The following DPP6 variants were observed in gnomAD, a reference collection of about 807,000 sequenced individuals.
DPP6 encodes the protein A-type potassium channel modulatory protein DPP6.
Under a neutral mutation model 122.6 loss-of-function variants are expected in DPP6, and 69 were observed. That is an observed-to-expected ratio of 0.56 (90% confidence interval 0.46 to 0.69). The LOEUF is 0.69. DPP6 is among the 30% of genes least tolerant of loss of function. The probability of loss-of-function intolerance (pLI) is 0.00; values close to 1 mark genes in which losing one functional copy is unlikely to be tolerated. For synonymous variants in DPP6, 418 were observed against 433.1 expected (o/e 0.97, Z 0.43); for missense variants, 928 against 1,116.9 (o/e 0.83, Z 2.41).
chr7:154,024,663 T>C (rs1798887120), intron 1 of DPP6, among the ~76,000 whole-genome samples: 1 of 152,220 alleles, frequency 6.6e-6, no homozygotes, highest in South Asian at 2.1e-4. Context: ...AACGTGCGTA[T>C]GTTATGATTG....
intron 3 of DPP6, among the ~76,000 whole-genome samples, chr7:154,508,243 C>G (rs1156795823): frequency 3.3e-5 from 5 of 152,086 alleles, no homozygotes; most frequent in Non-Finnish European, 7.3e-5. Context: ...TTATCTTATA[C>G]CTGGATTCTC....
intron 1 of DPP6, among the ~76,000 whole-genome samples, chr7:154,254,256 CT>C (rs1203808861): frequency 1.3e-5 from 2 of 152,130 alleles, no homozygotes; most frequent in Non-Finnish European, 2.9e-5. Context: ...AAGGCCATAG[CT>C]TTGCCCTTAT....
intron 1 of DPP6, among the ~76,000 whole-genome samples, chr7:154,065,243 C>T (rs1802611084): frequency 1.3e-5 from 2 of 150,832 alleles, no homozygotes; most frequent in Admixed American, 6.6e-5. Context: ...TGAAATAGAC[C>T]GGAAGAAGGG....
chr7:154,123,101 G>T (rs905875277), intron 1 of DPP6, among the ~76,000 whole-genome samples: 3 of 152,172 alleles, frequency 2.0e-5, no homozygotes. Flanking sequence ...TATAACAGGG[G>T]AAAATGAGGT....
intron 1 of DPP6, among the ~76,000 whole-genome samples, chr7:154,073,012 C>T (rs1189847563): frequency 6.6e-6 from 1 of 152,208 alleles, no homozygotes; most frequent in Non-Finnish European, 1.5e-5. Context: ...GTTCATCCAC[C>T]CTCCTGTGAG....
chr7:154,688,763 C>T (rs76023384), intron 7 of DPP6, among the ~76,000 whole-genome samples: 7,634 of 152,168 alleles, frequency 0.05, 276 homozygotes, highest in African/African-American at 0.1. Context: ...TGTGCCCACC[C>T]GATTAAGGGT....
intron 15 of DPP6, among the ~76,000 whole-genome samples, chr7:154,805,735 G>C (rs1013257459): frequency 2.0e-5 from 3 of 152,126 alleles, no homozygotes; most frequent in Non-Finnish European, 2.9e-5. Context: ...CATCTGCCCA[G>C]TCACTGTTCT....
At chr7:154,643,319 A>G (rs1259614515) in intron 6 of DPP6, among the ~76,000 whole-genome samples, 1 of 152,176 alleles carries the variant, frequency 6.6e-6, no homozygotes, top group African/African-American at 2.4e-5. Flanking sequence ...GAAGCAGAAA[A>G]GATACTGTGT....
chr7:154,893,213 G>A lies in DPP6; in HGVS notation c.*733G>A, dbSNP rs1806770710. 1 of 281,874 alleles carries A rather than the reference G, an allele frequency of 3.5e-6. No individual in the cohort carries two copies. The highest frequency in any genetic ancestry group is 7.0e-6 in the Non-Finnish European group (1 of 143,270). 17.5% of individuals were successfully genotyped at this position (281,874 alleles called of 1,614,324 possible). A position where few individuals can be genotyped will look rare whatever the true frequency, so the allele number is the denominator to read the frequency against. On this transcript the variant is annotated 3_prime_UTR_variant, in exon 26 of 26. Coordinates refer to ENST00000377770, the MANE Select transcript of DPP6 (RefSeq NM_130797.4). ...AGACTTTGCGCTTGATGAAGAAGCA[G>A]ATCGGAAGTAACTGCTCCCTCCTCA...
intron 10 of DPP6, among the ~76,000 whole-genome samples, chr7:154,785,909 C>T (rs562913611): frequency 4.6e-5 from 7 of 152,026 alleles, no homozygotes; most frequent in African/African-American, 1.7e-4. Context: ...TTATTACATC[C>T]TCTCTCTCCT....
At chr7:153,767,851 T>C in the DPP6 span, among the ~76,000 whole-genome samples, 1 of 152,282 alleles carries the variant, frequency 6.6e-6, no homozygotes, top group East Asian at 1.9e-4. Flanking sequence ...ATCCATTGTG[T>C]TGTGTTTTAT....
intron 15 of DPP6, 140 bp from the exon 16 acceptor site, chr7:154,806,854 G>C: frequency 8.9e-7 from 1 of 1,121,698 alleles, no homozygotes; most frequent in South Asian, 1.9e-5. Flanking sequence ...CCAGCAGGGA[G>C]ACAGAGGGAG....
At chr7:154,827,428 G>A (rs1029276255) in intron 16 of DPP6, among the ~76,000 whole-genome samples, 4 of 151,988 alleles carry the variant, frequency 2.6e-5, no homozygotes, top group East Asian at 1.9e-4. Flanking sequence ...AAGTAGCCCC[G>A]CATGGGCTGC....
At chr7:153,874,852 A>G in the DPP6 span, among the ~76,000 whole-genome samples, 1 of 152,250 alleles carries the variant, frequency 6.6e-6, no homozygotes, top group Non-Finnish European at 1.5e-5. Flanking sequence ...GGTTACAAGT[A>G]GAAAAATGTA....
intron 8 of DPP6, among the ~76,000 whole-genome samples, chr7:154,764,583 G>A (rs1795786786): frequency 6.6e-6 from 1 of 152,144 alleles, no homozygotes; most frequent in African/African-American, 2.4e-5. Flanking sequence ...GGGAGTGTGG[G>A]TGTTGGAGGA....
intron 8 of DPP6, among the ~76,000 whole-genome samples, chr7:154,764,155 G>A (rs906915664): frequency 4.6e-5 from 7 of 152,122 alleles, no homozygotes; most frequent in African/African-American, 1.7e-4. Context: ...TCCTTTCCCG[G>A]GCTTGGGTCC....
At chr7:154,789,559 A>T (rs1005745243) in intron 10 of DPP6, among the ~76,000 whole-genome samples, 3 of 152,194 alleles carry the variant, frequency 2.0e-5, no homozygotes. Flanking sequence ...GTGACTTTTC[A>T]TCATTTCTGT....
chr7:154,250,765 A>G (rs546324043), intron 1 of DPP6, among the ~76,000 whole-genome samples: 1 of 152,134 alleles, frequency 6.6e-6, no homozygotes, highest in Non-Finnish European at 1.5e-5. Flanking sequence ...GAGAAGTGAG[A>G]AAAGAGGCTA....
chr7:154,738,769 C>T (rs1016102114), intron 8 of DPP6, among the ~76,000 whole-genome samples: 2 of 152,222 alleles, frequency 1.3e-5, no homozygotes, highest in African/African-American at 4.8e-5. Context: ...GAGACCACAA[C>T]TTAGGCTTTG....
Sources: gnomAD v4.1 joint callset for allele counts (sites outside exome capture counted in the v4.1 genomes callset) on GRCh38, gnomAD v4.1.1 for gene constraint, MANE v1.5 for transcripts, NCBI Gene and HGNC (gene_info 2026-07-23, HGNC 2026-07-21) for gene names.